Variants in NLGN1 observed in about 807,000 individuals in gnomAD.
NLGN1 encodes neuroligin-1.
NLGN1 carries 12 observed loss-of-function variants against 65.5 expected under a neutral mutation model. That is an observed-to-expected ratio of 0.18 (90% confidence interval 0.12 to 0.30). The LOEUF is 0.30. Ranked by LOEUF, NLGN1 falls within the 10% of genes least tolerant of loss-of-function variation. The pLI is 1.00. For missense variants in NLGN1, 750 were observed against 1,007.1 expected, an observed-to-expected ratio of 0.74 and a Z score of 3.46; for synonymous variants, 350 against 359.5, an observed-to-expected ratio of 0.97 and a Z score of 0.30.
intron 4 of NLGN1, among the ~76,000 whole-genome samples, chr3:173,880,873 A>T (rs1356202505): frequency 6.6e-6 from 1 of 152,154 alleles, no homozygotes; most frequent in African/African-American, 2.4e-5. Context: ...TTCTTTCCAA[A>T]TTGAAGTCAA....
At chr3:173,452,255 G>A (rs1003598257) in intron 2 of NLGN1, among the ~76,000 whole-genome samples, 1 of 151,982 alleles carries the variant, frequency 6.6e-6, no homozygotes, top group Non-Finnish European at 1.5e-5. Context: ...GAGTGCAGTG[G>A]CGCGATCTTG....
chr3:173,465,454 T>C (rs1229673925), intron 2 of NLGN1, among the ~76,000 whole-genome samples: 6 of 152,126 alleles, frequency 3.9e-5, no homozygotes, highest in African/African-American at 1.4e-4. Flanking sequence ...GCACACAAAA[T>C]TACAAAAGTT....
chr3:173,435,532 A>AT (rs1258557687), intron 2 of NLGN1, among the ~76,000 whole-genome samples: 1 of 152,112 alleles, frequency 6.6e-6, no homozygotes, highest in African/African-American at 2.4e-5. Flanking sequence ...CAATAAAGTC[A>AT]TTTTTAGAAA....
At chr3:173,578,427 G>C (rs548640713) in intron 2 of NLGN1, among the ~76,000 whole-genome samples, 1 of 152,176 alleles carries the variant, frequency 6.6e-6, no homozygotes, top group South Asian at 2.1e-4. Flanking sequence ...CAAAAAAAGA[G>C]TACCCAACTC....
At chr3:173,960,915 G>A (rs1713395577) in intron 4 of NLGN1, among the ~76,000 whole-genome samples, 1 of 151,866 alleles carries the variant, frequency 6.6e-6, no homozygotes, top group African/African-American at 2.4e-5. Context: ...TATCAATGAT[G>A]CAACTTTAAT....
intron 4 of NLGN1, among the ~76,000 whole-genome samples, chr3:173,951,836 T>G (rs1748278580): frequency 6.6e-6 from 1 of 152,200 alleles, no homozygotes; most frequent in South Asian, 2.1e-4. Flanking sequence ...AATCAACATT[T>G]CATGTATGTA....
At chr3:173,751,150 T>C (rs879273272) in intron 3 of NLGN1, among the ~76,000 whole-genome samples, 5 of 152,024 alleles carry the variant, frequency 3.3e-5, no homozygotes, top group African/African-American at 1.2e-4. Context: ...GATTCCAGGG[T>C]CACCTGAGTA....
intron 3 of NLGN1, among the ~76,000 whole-genome samples, chr3:173,719,518 G>A (rs1770461244): frequency 6.6e-6 from 1 of 152,142 alleles, no homozygotes; most frequent in Non-Finnish European, 1.5e-5. Context: ...CTTCCAAGGG[G>A]ACTTACATCA....
At chr3:173,705,003 A>T (rs1225419308) in intron 3 of NLGN1, among the ~76,000 whole-genome samples, 1 of 152,206 alleles carries the variant, frequency 6.6e-6, no homozygotes, top group Admixed American at 6.5e-5. Flanking sequence ...GTGGAAAATT[A>T]CTTTGCATAG....
chr3:174,040,099 A>G (rs1731957401), intron 4 of NLGN1, among the ~76,000 whole-genome samples: 1 of 152,118 alleles, frequency 6.6e-6, no homozygotes, highest in Non-Finnish European at 1.5e-5. Flanking sequence ...GCTCCCCACT[A>G]TTGATGGTAG....
chr3:173,847,467 G>T (rs1176739924), intron 4 of NLGN1, among the ~76,000 whole-genome samples: 1 of 152,098 alleles, frequency 6.6e-6, no homozygotes, highest in East Asian at 1.9e-4. Context: ...TTCCAACAAT[G>T]ATGGCTACCA....
intron 4 of NLGN1, among the ~76,000 whole-genome samples, chr3:174,144,258 T>C (rs1415088326): frequency 6.6e-6 from 1 of 152,224 alleles, no homozygotes. Flanking sequence ...TCCTTTTTTA[T>C]GGCTGCATAG....
At chr3:173,838,219 A>T (rs1374555360) in intron 4 of NLGN1, among the ~76,000 whole-genome samples, 1 of 6,780 alleles carries the variant, frequency 1.5e-4, no homozygotes, top group Non-Finnish European at 4.0e-4. Context: ...AGGGAAAATT[A>T]AAAAAAAAAA....
At chr3:173,402,302 A>T (rs1717837529) in intron 1 of NLGN1, among the ~76,000 whole-genome samples, 1 of 152,292 alleles carries the variant, frequency 6.6e-6, no homozygotes, top group African/African-American at 2.4e-5. Flanking sequence ...ATATATTAAC[A>T]TTGCTATGGA....
At chr3:174,095,239 A>G (rs1048353015) in intron 4 of NLGN1, among the ~76,000 whole-genome samples, 1 of 148,964 alleles carries the variant, frequency 6.7e-6, no homozygotes, top group African/African-American at 2.5e-5. Flanking sequence ...AAAAAAAACC[A>G]TAAAGTTGCT....
At chr3:173,862,686 A>G (rs1035823974) in intron 4 of NLGN1, among the ~76,000 whole-genome samples, 19 of 152,026 alleles carry the variant, frequency 1.2e-4, no homozygotes, top group African/African-American at 4.3e-4. Context: ...ACAGCATTTT[A>G]TTTTGTATTT....
At chr3:173,914,192 ATTG>A (rs1240021166) in intron 4 of NLGN1, among the ~76,000 whole-genome samples, 1 of 152,162 alleles carries the variant, frequency 6.6e-6, no homozygotes, top group Non-Finnish European at 1.5e-5. Context: ...CTGAGTTCCC[ATTG>A]TTGTTTTAGT....
chr3:173,464,797 G>A (rs1293514204), intron 2 of NLGN1, among the ~76,000 whole-genome samples: 1 of 152,132 alleles, frequency 6.6e-6, no homozygotes, highest in Non-Finnish European at 1.5e-5. Flanking sequence ...AATAGATAGA[G>A]TCAGCCTATC....
At position 173,781,514 on chromosome 3, in the gene NLGN1, C is replaced by T. The variant is rs1460352211; in HGVS notation, c.494-26166C>T. ...TTGTAGTTAGCATTTTGGCTTTTAT[C>T]GTACCCATTTTTGACTTAATGGATA... On this transcript the variant is annotated intron_variant, in intron 3 of 6. Transcript: ENST00000457714. Among the ~76,000 whole-genome samples the T allele has an allele frequency of 2.6e-5, 4 of 152,104 alleles. No individual in the cohort carries two copies. The East Asian group carries it at 5.8e-4, about 22-fold the overall frequency.
Sources: gnomAD v4.1 joint callset for allele counts (sites outside exome capture counted in the v4.1 genomes callset) on GRCh38, gnomAD v4.1.1 for gene constraint, MANE v1.5 for transcripts, NCBI Gene and HGNC (gene_info 2026-07-23, HGNC 2026-07-21) for gene names.